BRINP3: variants seen among roughly 807,000 people sequenced by gnomAD.
BRINP3 encodes the protein BMP/retinoic acid-inducible neural-specific protein 3.
A neutral mutation model predicts 71.0 loss-of-function variants in BRINP3; 19 were observed. The ratio of observed to expected loss-of-function variants is 0.27; its 90% CI spans 0.19 to 0.39. The LOEUF is 0.39. Ranked by LOEUF, BRINP3 falls within the 10% of genes least tolerant of loss-of-function variation. The probability of loss-of-function intolerance (pLI) is 1.00; values close to 1 mark genes in which losing one functional copy is unlikely to be tolerated. For synonymous variants in BRINP3, 380 were observed against 337.7 expected, an observed-to-expected ratio of 1.13 and a Z score of -1.37; for missense variants, 959 against 940.8, an observed-to-expected ratio of 1.02 and a Z score of -0.25.
At chr1:190,397,716 A>G (rs1222337379) in intron 2 of BRINP3, among the ~76,000 whole-genome samples, 1 of 151,970 alleles carries the variant, frequency 6.6e-6, no homozygotes, top group Non-Finnish European at 1.5e-5. Context: ...CAGGAGGTGA[A>G]TTAAGGGCAT....
intron 6 of BRINP3, among the ~76,000 whole-genome samples, chr1:190,182,110 G>A (rs2102538805): frequency 6.6e-6 from 1 of 151,936 alleles, no homozygotes; most frequent in East Asian, 1.9e-4. Flanking sequence ...TTGTTTACAA[G>A]ATTTATTTTC....
At position 190,184,775 on chromosome 1, in the gene BRINP3, A is replaced by G. The variant is rs993370166; in HGVS notation, c.962-23885T>C. ...GGAGGGAGACAAGATTTGGAAAACT[A>G]CCTATCATATACTATATTCACTACC... On this transcript the variant is annotated intron_variant, in intron 6 of 7. Transcript: ENST00000367462. Among the ~76,000 whole-genome samples the G allele has an allele frequency of 2.0e-5, 3 of 152,226 alleles. 1 individual carries two copies. The highest frequency in any genetic ancestry group is 2.4e-5 in the African/African-American group (1 of 41,550).
intron 1 of BRINP3, among the ~76,000 whole-genome samples, chr1:190,476,960 A>G (rs770649300): frequency 3.3e-5 from 5 of 152,222 alleles, no homozygotes; most frequent in Non-Finnish European, 7.3e-5. Flanking sequence ...ACACTTTGCA[A>G]CAAAGTCTTC....
At chr1:190,423,721 C>T (rs186693130) in intron 2 of BRINP3, among the ~76,000 whole-genome samples, 19 of 151,796 alleles carry the variant, frequency 1.3e-4, no homozygotes, top group Admixed American at 6.6e-4. Context: ...GTTGACTTTA[C>T]GTATTTCTCC....
chr1:190,361,350 A>G (rs1669134641), intron 2 of BRINP3, among the ~76,000 whole-genome samples: 1 of 140,372 alleles, frequency 7.1e-6, no homozygotes, highest in Admixed American at 7.1e-5. Context: ...TAAGAAATAG[A>G]GAATGAATAT....
chr1:190,130,664 T>C lies in BRINP3; in HGVS notation c.1184+30004A>G, dbSNP rs189897569. Among the ~76,000 whole-genome samples, 3 of 152,184 alleles carry C rather than the reference T, an allele frequency of 2.0e-5. No individual in the cohort carries two copies. The East Asian group carries it at 5.8e-4, about 29-fold the overall frequency. On this transcript the variant is annotated intron_variant, in intron 7 of 7. Coordinates refer to ENST00000367462, the MANE Select transcript of BRINP3 (RefSeq NM_199051.3). ...GTATTCATATGACATTTTGAAGTTA[T>C]CACTAAGAAGTGACTGTACAGCCAG...
chr1:190,212,892 A>C (rs1270731290), intron 6 of BRINP3, among the ~76,000 whole-genome samples: 1 of 152,060 alleles, frequency 6.6e-6, no homozygotes, highest in Non-Finnish European at 1.5e-5. Flanking sequence ...ACATTTGATT[A>C]TATTATTTTA....
chr1:190,260,200 G>A (rs1245024106), intron 4 of BRINP3, among the ~76,000 whole-genome samples: 1 of 151,926 alleles, frequency 6.6e-6, no homozygotes, highest in African/African-American at 2.4e-5. Context: ...AGTTATATAA[G>A]ATGAATAAAT....
At chr1:190,448,054 T>A (rs1675345757) in intron 2 of BRINP3, among the ~76,000 whole-genome samples, 2 of 151,750 alleles carry the variant, frequency 1.3e-5, no homozygotes, top group African/African-American at 4.8e-5. Context: ...ATTTTATGTT[T>A]TTAAATTTTT....
At chr1:190,333,222 A>G (rs778095101) in intron 2 of BRINP3, among the ~76,000 whole-genome samples, 5 of 151,988 alleles carry the variant, frequency 3.3e-5, no homozygotes, top group Admixed American at 2.0e-4. Flanking sequence ...GTACAAAAAA[A>G]TTAAAAATGA....
intron 6 of BRINP3, among the ~76,000 whole-genome samples, chr1:190,191,680 A>T (rs1654048356): frequency 6.6e-6 from 1 of 151,932 alleles, no homozygotes. Flanking sequence ...GGTTGGTTCC[A>T]TGTCCTTGCT....
chr1:190,375,125 T>C (rs6682679), intron 2 of BRINP3, among the ~76,000 whole-genome samples: 21,982 of 151,952 alleles, frequency 0.14, 1,730 homozygotes, highest in East Asian at 0.22. Context: ...GTATTTTTTG[T>C]AGTAATTTGG....
intron 7 of BRINP3, among the ~76,000 whole-genome samples, chr1:190,124,220 G>A (rs193036464): frequency 6.6e-6 from 1 of 152,192 alleles, no homozygotes; most frequent in East Asian, 1.9e-4. Context: ...AAATAAGTTT[G>A]TCCTCCTATT....
intron 6 of BRINP3, among the ~76,000 whole-genome samples, chr1:190,161,235 T>A (rs1490330067): frequency 1.3e-5 from 2 of 151,990 alleles, no homozygotes; most frequent in African/African-American, 2.4e-5. Flanking sequence ...CTTCAATACA[T>A]AATCATTAAT....
intron 7 of BRINP3, among the ~76,000 whole-genome samples, chr1:190,103,611 C>A (rs1483683876): frequency 6.6e-6 from 1 of 151,978 alleles, no homozygotes; most frequent in African/African-American, 2.4e-5. Context: ...CAACCCAAAA[C>A]TGTTATTAGG....
chr1:190,369,220 T>A (rs763394666), intron 2 of BRINP3, among the ~76,000 whole-genome samples: 10 of 152,176 alleles, frequency 6.6e-5, no homozygotes, highest in Non-Finnish European at 1.2e-4. Flanking sequence ...GTTATTATAA[T>A]CGGGACTCCA....
intron 2 of BRINP3, among the ~76,000 whole-genome samples, chr1:190,321,291 G>T (rs567198368): frequency 2.2e-4 from 34 of 152,068 alleles, no homozygotes; most frequent in African/African-American, 7.7e-4. Flanking sequence ...TTATTATCCT[G>T]AACTGAACAC....
intron 2 of BRINP3, among the ~76,000 whole-genome samples, chr1:190,401,882 C>G (rs1209755595): frequency 6.6e-6 from 1 of 151,494 alleles, no homozygotes; most frequent in African/African-American, 2.4e-5. Context: ...GTTACATTAC[C>G]CAACCATGCC....
intron 3 of BRINP3, among the ~76,000 whole-genome samples, chr1:190,270,080 T>C (rs975549276): frequency 1.3e-5 from 2 of 151,864 alleles, no homozygotes; most frequent in African/African-American, 4.8e-5. Context: ...TGGATAAAAA[T>C]TGTTTCTGAA....
Sources: allele counts gnomAD v4.1 joint callset (sites outside exome capture counted in the v4.1 genomes callset), GRCh38; gene constraint gnomAD v4.1.1; transcripts MANE v1.5; gene names NCBI Gene and HGNC (gene_info 2026-07-23, HGNC 2026-07-21).